Variants in AGBL4 observed in about 807,000 individuals in gnomAD.
AGBL4 encodes the protein cytosolic carboxypeptidase 6.
Under a neutral mutation model 66.4 loss-of-function variants are expected in AGBL4, and 58 were observed. The ratio of observed to expected loss-of-function variants is 0.87; its 90% CI spans 0.71 to 1.09. The LOEUF (loss-of-function observed/expected upper bound fraction) is 1.09, where lower values mean the gene tolerates loss of function less well. Among genes scored for constraint, AGBL4 ranks in the 50% least tolerant of loss-of-function variants. AGBL4 has a pLI of 0.00. For missense variants in AGBL4, 579 were observed against 631.0 expected (o/e 0.92, Z 0.88); for synonymous variants, 234 against 222.9 (o/e 1.05, Z -0.44).
At chr1:49,540,701 A>T (rs1419938500) in intron 3 of AGBL4, among the ~76,000 whole-genome samples, 1 of 152,232 alleles carries the variant, frequency 6.6e-6, no homozygotes, top group Non-Finnish European at 1.5e-5. Flanking sequence ...AGTGAGAAGT[A>T]TTATTTAATA....
chr1:49,902,889 C>T (rs1649906192), intron 1 of AGBL4, among the ~76,000 whole-genome samples: 1 of 152,142 alleles, frequency 6.6e-6, no homozygotes, highest in Non-Finnish European at 1.5e-5. Context: ...GAAATGCTTA[C>T]TCACAGCAGT....
chr1:49,563,905 T>G (rs1235883488), intron 3 of AGBL4, among the ~76,000 whole-genome samples: 3 of 152,224 alleles, frequency 2.0e-5, no homozygotes, highest in African/African-American at 7.2e-5. Flanking sequence ...TCCTTGTACC[T>G]CTGGTAGAAT....
rs534260391 is a variant in AGBL4 at position 49,473,443 on chromosome 1, C to T, written c.282+223870G>A. On this transcript the variant is annotated intron_variant, in intron 3 of 13. Transcript: ENST00000371839. Reference sequence around the variant, plus strand: ...TTGTTGACTACTTGTATGTCTTCTTCTGAGAAGTGTCTGCTCATGTCCTTT... The same window carrying T: ...TTGTTGACTACTTGTATGTCTTCTTTTGAGAAGTGTCTGCTCATGTCCTTT... 2.6e-5 allele frequency among the ~76,000 whole-genome samples: 4 copies of T among 152,042 alleles called. No homozygotes were observed. The East Asian group carries it at 7.8e-4, about 29-fold the overall frequency.
At chr1:48,642,099 A>G (rs1035944298) in intron 8 of AGBL4, among the ~76,000 whole-genome samples, 9 of 152,140 alleles carry the variant, frequency 5.9e-5, no homozygotes, top group Admixed American at 2.0e-4. Context: ...GCAGAGTCAT[A>G]GCCCATAGCC....
At chr1:48,714,792 A>G (rs1647023062) in intron 6 of AGBL4, among the ~76,000 whole-genome samples, 1 of 152,222 alleles carries the variant, frequency 6.6e-6, no homozygotes, top group Non-Finnish European at 1.5e-5. Flanking sequence ...GTCCTCCAGC[A>G]GGCCCTGCTT....
chr1:48,626,531 T>G (rs1645505339), intron 9 of AGBL4, among the ~76,000 whole-genome samples: 1 of 152,232 alleles, frequency 6.6e-6, no homozygotes, highest in African/African-American at 2.4e-5. Flanking sequence ...GATCAAGAGC[T>G]ATACCCAACA....
At chr1:49,068,730 CT>C (rs1337893626) in intron 4 of AGBL4, among the ~76,000 whole-genome samples, 3 of 152,140 alleles carry the variant, frequency 2.0e-5, no homozygotes, top group Admixed American at 2.0e-4. Context: ...ATTTATAATC[CT>C]TTGGGTATAT....
intron 4 of AGBL4, among the ~76,000 whole-genome samples, chr1:49,167,062 C>T (rs1646648810): frequency 6.6e-6 from 1 of 152,172 alleles, no homozygotes. Flanking sequence ...CTAACCTTTT[C>T]CACACATAAT....
At chr1:48,823,544 A>G (rs11810411) in intron 6 of AGBL4, among the ~76,000 whole-genome samples, 4,823 of 152,260 alleles carry the variant, frequency 0.032, 261 homozygotes, top group African/African-American at 0.11. Context: ...CTGCCTGAGA[A>G]GTTCCCATTT....
At chr1:48,948,523 T>A (rs1656707724) in intron 5 of AGBL4, among the ~76,000 whole-genome samples, 1 of 152,206 alleles carries the variant, frequency 6.6e-6, no homozygotes, top group African/African-American at 2.4e-5. Flanking sequence ...TCTTCCTCCC[T>A]ACTAATGGGC....
chr1:49,254,840 G>A (rs975435092), intron 3 of AGBL4, among the ~76,000 whole-genome samples: 5 of 152,112 alleles, frequency 3.3e-5, no homozygotes, highest in Admixed American at 3.3e-4. Flanking sequence ...GAACAGAATA[G>A]AGAACCCAGA....
intron 3 of AGBL4, among the ~76,000 whole-genome samples, chr1:49,531,097 T>C (rs1191256744): frequency 6.6e-6 from 1 of 152,120 alleles, no homozygotes; most frequent in African/African-American, 2.4e-5. Context: ...TTAGTATTTT[T>C]ATTTTCTAAT....
chr1:49,748,755 C>T (rs1013799191), intron 2 of AGBL4, among the ~76,000 whole-genome samples: 3 of 152,072 alleles, frequency 2.0e-5, no homozygotes, highest in Non-Finnish European at 4.4e-5. Flanking sequence ...TCTCTAATAC[C>T]ATCGATGATG....
intron 4 of AGBL4, among the ~76,000 whole-genome samples, chr1:49,076,280 G>C (rs1326226512): frequency 6.6e-6 from 1 of 152,110 alleles, no homozygotes; most frequent in Non-Finnish European, 1.5e-5. Flanking sequence ...CATAGCATTT[G>C]CATATAACCT....
At chr1:49,855,563 C>T (rs2148072074) in intron 1 of AGBL4, among the ~76,000 whole-genome samples, 1 of 152,026 alleles carries the variant, frequency 6.6e-6, no homozygotes, top group Admixed American at 6.6e-5. Flanking sequence ...CTTGTCAGAC[C>T]ACAATGGGAT....
At chr1:49,440,245 T>C (rs1163556885) in intron 3 of AGBL4, among the ~76,000 whole-genome samples, 1 of 152,032 alleles carries the variant, frequency 6.6e-6, no homozygotes, top group Non-Finnish European at 1.5e-5. Context: ...ATTTTTTGTA[T>C]ATTTAGTAGA....
intron 1 of AGBL4, among the ~76,000 whole-genome samples, chr1:50,010,119 A>G (rs529013906): frequency 5.3e-5 from 8 of 152,182 alleles, no homozygotes; most frequent in Admixed American, 4.6e-4. Context: ...CACCCTGGCT[A>G]ACAAGATGAA....
At chr1:48,910,601 A>G (rs1454666599) in intron 5 of AGBL4, among the ~76,000 whole-genome samples, 2 of 152,114 alleles carry the variant, frequency 1.3e-5, no homozygotes, top group Non-Finnish European at 2.9e-5. Flanking sequence ...TTCACAAACA[A>G]GGCATGGGGT....
At chr1:49,002,296 T>G (rs1320597914) in intron 5 of AGBL4, among the ~76,000 whole-genome samples, 1 of 152,200 alleles carries the variant, frequency 6.6e-6, no homozygotes, top group African/African-American at 2.4e-5. Context: ...GGGCAGAGTT[T>G]GTTGGACCCC....
Sources: allele counts gnomAD v4.1 joint callset (sites outside exome capture counted in the v4.1 genomes callset), GRCh38; gene constraint gnomAD v4.1.1; transcripts MANE v1.5; gene names NCBI Gene and HGNC (gene_info 2026-07-23, HGNC 2026-07-21).